Variants in LRCH2 observed in about 807,000 individuals in gnomAD.
LRCH2 encodes the protein leucine rich repeats and calponin homology domain containing 2.
In LRCH2, 38 loss-of-function variants were observed where a neutral mutation model predicts 68.9. That is an observed-to-expected ratio of 0.55 (90% confidence interval 0.43 to 0.72). LRCH2 has a LOEUF of 0.72. Ranked by LOEUF, LRCH2 falls within the 30% of genes least tolerant of loss-of-function variation. LRCH2 has a pLI of 0.00. For synonymous variants in LRCH2, 191 were observed against 208.1 expected (o/e 0.92, Z 0.71); for missense variants, 528 against 572.9 (o/e 0.92, Z 0.80).
intron 12 of LRCH2, among the ~76,000 whole-genome samples, chrX:115,150,423 T>C (rs1316918259): frequency 4.5e-5 from 5 of 111,223 alleles, no homozygotes; most frequent in African/African-American, 1.6e-4. Context: ...AAAAAACTAA[T>C]AATTTCCTTT....
intron 14 of LRCH2, among the ~76,000 whole-genome samples, chrX:115,131,349 T>C: frequency 9.4e-6 from 1 of 105,933 alleles, no homozygotes. Context: ...ACTGAGAACA[T>C]GCGGTGTTTG....
chrX:115,126,852 T>A lies in LRCH2; in HGVS notation c.1782A>T (p.Val594=). The A allele has an allele frequency of 9.1e-7, 1 of 1,094,314 alleles. No individual in the cohort carries two copies. The highest frequency in any genetic ancestry group is 1.2e-6 in the Non-Finnish European group (1 of 836,050). The allele number at this position is 1,094,314 out of a possible 1,213,427, so 90.2% of individuals were successfully genotyped here. A position where few individuals can be genotyped will look rare whatever the true frequency, so the allele number is the denominator to read the frequency against. ...AAAACAGAACTTGTACCTCAGATGA[T>A]ACTGGAGATTGTGTTGACATATTAG... ...DNANMSTQSP[V]SSEEYDRTDG... is the part of the protein sequence containing the mutation. The change falls in exon 16 of 21, where the codon GTA becomes GTT. Residue 594 remains valine, a synonymous_variant. Coordinates refer to ENST00000317135, the MANE Select transcript of LRCH2 (RefSeq NM_020871.4).
intron 1 of LRCH2, among the ~76,000 whole-genome samples, chrX:115,226,034 C>T (rs888625580): frequency 2.7e-5 from 3 of 111,738 alleles, no homozygotes; most frequent in Non-Finnish European, 5.6e-5. Flanking sequence ...TACTATACAA[C>T]CCAGCAATTC....
rs201559687 is a variant in LRCH2, at chrX:115,151,089, AT to A, written c.1530-1020del. Among the ~76,000 whole-genome samples, 945 of 111,576 alleles carry A rather than the reference AT, an allele frequency of 8.5e-3. 13 individuals carry two copies. Among genetic ancestry groups the A allele is most frequent in the African/African-American group, 0.03 (912 of 30,861 alleles). On this transcript the variant is annotated intron_variant, in intron 12 of 20. Transcript: ENST00000317135. ...ATAACTGAAATGAACTGTAATAATAATTTTTTTAACTCAAGAAGTATTTTTT... is the reference window on the plus strand; with the variant it reads ...ATAACTGAAATGAACTGTAATAATAATTTTTTAACTCAAGAAGTATTTTTT...
At chrX:115,165,737 T>G (rs781861544) in intron 8 of LRCH2, 82 bp from the exon 9 acceptor site, 1 of 929,628 alleles carries the variant, frequency 1.1e-6, no homozygotes, top group African/African-American at 2.0e-5. Context: ...AAATGTGTAT[T>G]TTCTCAATGT....
At chrX:115,134,363 C>T (rs186026597) in intron 14 of LRCH2, among the ~76,000 whole-genome samples, 5,202 of 112,276 alleles carry the variant, frequency 0.046, 129 homozygotes, top group Non-Finnish European at 0.073. Flanking sequence ...AAGGTGACTA[C>T]GCTAAACAAC....
chrX:115,161,380 GATC>G (rs2072518152), intron 11 of LRCH2, among the ~76,000 whole-genome samples: 1 of 110,947 alleles, frequency 9.0e-6, no homozygotes, highest in Non-Finnish European at 1.9e-5. Flanking sequence ...TTTACTTTAT[GATC>G]ATATTATAAA....
chrX:115,155,700 T>C (rs1160610938), intron 12 of LRCH2, among the ~76,000 whole-genome samples: 1 of 111,938 alleles, frequency 8.9e-6, no homozygotes, highest in Non-Finnish European at 1.9e-5. Context: ...ATTTCATCCT[T>C]ACAGTAACCA....
At chrX:115,139,792 G>A (rs782381183) in intron 14 of LRCH2, among the ~76,000 whole-genome samples, 1 of 111,255 alleles carries the variant, frequency 9.0e-6, no homozygotes. Flanking sequence ...CAGGCATGGC[G>A]GGAGCATTTG....
In LRCH2 at chrX:115,121,150, G is replaced by A. The variant is rs782007297; in HGVS notation, c.2178+1377C>T. On this transcript the variant is annotated intron_variant, in intron 20 of 20. Coordinates refer to ENST00000317135, the MANE Select transcript of LRCH2 (RefSeq NM_020871.4). ...ACTAACCTGCACATTGTGCACATGT[G>A]CCCTAAAACTTAAAGTATAATAATA... Among the ~76,000 whole-genome samples the A allele has an allele frequency of 7.0e-3, 758 of 107,659 alleles. 4 individuals are homozygous for A. Among genetic ancestry groups the A allele is most frequent in the Non-Finnish European group, 0.011 (573 of 52,141 alleles). 93.5% of individuals were successfully genotyped at this position (107,659 alleles called of 115,157 possible).
At chrX:115,189,328 C>T in intron 1 of LRCH2, 2 of 785,696 alleles carry the variant, frequency 2.5e-6, no homozygotes, top group Admixed American at 3.8e-5. Context: ...CTTCTTGAGA[C>T]ATCCACCCCC....
intron 12 of LRCH2, among the ~76,000 whole-genome samples, chrX:115,150,735 C>A (rs2072425827): frequency 9.1e-6 from 1 of 109,994 alleles, no homozygotes; most frequent in Non-Finnish European, 1.9e-5. Context: ...ATATAAAGAT[C>A]CAATTTTTAA....
At chrX:115,191,360 C>A (rs142223554) in intron 1 of LRCH2, 164,742 of 1,157,823 alleles carry the variant, frequency 0.14, 8,895 homozygotes, top group Non-Finnish European at 0.16. Context: ...TCCCTTGATG[C>A]CAACAGTGGA....
intron 14 of LRCH2, among the ~76,000 whole-genome samples, chrX:115,142,948 A>T (rs782249463): frequency 9.1e-6 from 1 of 110,085 alleles, no homozygotes; most frequent in Non-Finnish European, 1.9e-5. Flanking sequence ...AAAAATACAA[A>T]AATTAGCTGG....
At chrX:115,134,541 G>T (rs1178269134) in intron 14 of LRCH2, among the ~76,000 whole-genome samples, 1 of 111,685 alleles carries the variant, frequency 9.0e-6, no homozygotes, top group Non-Finnish European at 1.9e-5. Flanking sequence ...AAACTCCTAG[G>T]TCCCTTAAGA....
At chrX:115,130,014 T>C (rs1310939906) in intron 15 of LRCH2, 141 bp downstream of exon 15, 12 of 373,342 alleles carry the variant, frequency 3.2e-5, no homozygotes, top group Non-Finnish European at 5.7e-5. Flanking sequence ...ATGATGCTCA[T>C]ATGTTTTTAT....
At position 115,170,327 on chromosome X, in the gene LRCH2, G is replaced by T. The variant is rs782545649; in HGVS notation, c.970C>A (p.Arg324=). The part of the protein sequence containing the change: ...DSLDLPSLSK[R]MPSQPLTDSM... ...TCTGTGAGAGGCTGTGAGGGCATTC[G>T]TTTACTCAATGATGGAAGATCCAGG... Residue 324 remains arginine (R), a synonymous_variant, in exon 6 of 21, where the codon CGA becomes AGA. Coordinates refer to ENST00000317135, the MANE Select transcript of LRCH2 (RefSeq NM_020871.4). The T allele has an allele frequency of 7.6e-6, 9 of 1,180,179 alleles. No homozygotes were observed. The highest frequency in any genetic ancestry group is 1.0e-5 in the Non-Finnish European group (9 of 879,813).
At chrX:115,122,014 A>T (rs1220754301) in intron 20 of LRCH2, among the ~76,000 whole-genome samples, 1 of 111,647 alleles carries the variant, frequency 9.0e-6, no homozygotes, top group Non-Finnish European at 1.9e-5. Context: ...TAGTAGTGCA[A>T]TTATTACATG....
chrX:115,129,555 C>T (rs2072225368), intron 15 of LRCH2, among the ~76,000 whole-genome samples: 1 of 110,812 alleles, frequency 9.0e-6, no homozygotes, highest in South Asian at 3.8e-4. Context: ...ATTATTTTTC[C>T]CTGTGTGATT....
Sources: gnomAD v4.1 joint callset for allele counts (sites outside exome capture counted in the v4.1 genomes callset) on GRCh38, gnomAD v4.1.1 for gene constraint, MANE v1.5 for transcripts, NCBI Gene and HGNC (gene_info 2026-07-23, HGNC 2026-07-21) for gene names.